PIP4K2A: variants seen among roughly 807,000 people sequenced by gnomAD.
The protein encoded by PIP4K2A is phosphatidylinositol-5-phosphate 4-kinase type 2 alpha, also known as phosphatidylinositol 5-phosphate 4-kinase type-2 alpha.
A neutral mutation model predicts 42.9 loss-of-function variants in PIP4K2A; 14 were observed. The ratio of observed to expected loss-of-function variants is 0.33; its 90% CI spans 0.22 to 0.51. The LOEUF is 0.51. PIP4K2A is among the 20% of genes least tolerant of loss of function. The pLI is 0.97. For missense variants in PIP4K2A, 434 were observed against 519.8 expected (o/e 0.83, Z 1.61); for synonymous variants, 192 against 192.2 (o/e 1.00, Z 0.01).
chr10:22,709,106 CTT>C (rs760885162), intron 1 of PIP4K2A, among the ~76,000 whole-genome samples: 2 of 144,466 alleles, frequency 1.4e-5, no homozygotes, highest in Admixed American at 6.9e-5. Context: ...ATTTAGCAGA[CTT>C]TTTTTTTTTT....
intron 1 of PIP4K2A, among the ~76,000 whole-genome samples, chr10:22,672,519 C>T (rs183999209): frequency 7.2e-4 from 109 of 152,264 alleles, no homozygotes; most frequent in Middle Eastern, 3.4e-3. Flanking sequence ...CACAGGTGTA[C>T]TTGTGAATAT....
chr10:22,575,643 C>T (rs1260561480), intron 4 of PIP4K2A, among the ~76,000 whole-genome samples: 1 of 152,118 alleles, frequency 6.6e-6, no homozygotes, highest in African/African-American at 2.4e-5. Flanking sequence ...AGAGACAGAT[C>T]AAATCTGTCT....
At chr10:22,664,228 T>TACACACAC (rs370820884) in intron 1 of PIP4K2A, among the ~76,000 whole-genome samples, 5 of 89,886 alleles carry the variant, frequency 5.6e-5, no homozygotes, top group East Asian at 2.7e-4. Context: ...CATATATATA[T>TACACACAC]ACACACACAC....
At chr10:22,552,429 C>A (rs1409320661) in intron 6 of PIP4K2A, among the ~76,000 whole-genome samples, 1 of 152,128 alleles carries the variant, frequency 6.6e-6, no homozygotes, top group Non-Finnish European at 1.5e-5. Flanking sequence ...GACTTACCCC[C>A]TAAATCTGTC....
rs960170370 is a variant in PIP4K2A at position 22,579,939 on chromosome 10, A to G, written c.493-6482T>C. Among the ~76,000 whole-genome samples, 13 of 151,920 alleles carry G rather than the reference A, an allele frequency of 8.6e-5. No individual in the cohort carries two copies. The South Asian group carries it at 2.7e-3, about 31-fold the overall frequency. Reference sequence around the variant, plus strand: ...AAAAAAAAGAAAAAAGAAAAAAGAAAAAAAAAGACAACCCATTCTGATGAA... The same window carrying G: ...AAAAAAAAGAAAAAAGAAAAAAGAAGAAAAAAGACAACCCATTCTGATGAA... On this transcript the variant is annotated intron_variant, in intron 4 of 9. Transcript: ENST00000376573.
At chr10:22,640,777 T>G (rs1410884475) in intron 1 of PIP4K2A, among the ~76,000 whole-genome samples, 1 of 152,092 alleles carries the variant, frequency 6.6e-6, no homozygotes, top group Non-Finnish European at 1.5e-5. Context: ...TATTCCCTAA[T>G]GCAAAGTGGA....
At chr10:22,599,415 G>A (rs1347189159) in intron 3 of PIP4K2A, among the ~76,000 whole-genome samples, 1 of 152,114 alleles carries the variant, frequency 6.6e-6, no homozygotes, top group Non-Finnish European at 1.5e-5. Flanking sequence ...ACATTACACA[G>A]GTGTTTGTGA....
chr10:22,553,889 A>G (rs1836471558), intron 6 of PIP4K2A, among the ~76,000 whole-genome samples: 1 of 149,160 alleles, frequency 6.7e-6, no homozygotes, highest in African/African-American at 2.5e-5. Context: ...CAATCTCAGC[A>G]CTTTGGGACT....
intron 4 of PIP4K2A, among the ~76,000 whole-genome samples, chr10:22,585,422 A>G (rs1306576920): frequency 6.6e-6 from 1 of 152,224 alleles, no homozygotes; most frequent in Non-Finnish European, 1.5e-5. Flanking sequence ...TATCAATTTT[A>G]CCCATTTATC....
intron 1 of PIP4K2A, among the ~76,000 whole-genome samples, chr10:22,691,116 G>A (rs191864039): frequency 6.6e-6 from 1 of 152,188 alleles, no homozygotes; most frequent in Admixed American, 6.6e-5. Context: ...TTCAGACGGT[G>A]TGTGCCAAAC....
At chr10:22,702,375 C>T (rs1320405617) in intron 1 of PIP4K2A, among the ~76,000 whole-genome samples, 2 of 152,160 alleles carry the variant, frequency 1.3e-5, no homozygotes, top group East Asian at 3.9e-4. Flanking sequence ...ATGTCTGAAG[C>T]CATTAAAAGA....
At chr10:22,585,302 T>C (rs1837368447) in intron 4 of PIP4K2A, among the ~76,000 whole-genome samples, 1 of 152,188 alleles carries the variant, frequency 6.6e-6, no homozygotes, top group Non-Finnish European at 1.5e-5. Context: ...AGGTGCTGAT[T>C]AGCTTATTTA....
At chr10:22,687,879 C>A (rs985670264) in intron 1 of PIP4K2A, among the ~76,000 whole-genome samples, 1 of 152,092 alleles carries the variant, frequency 6.6e-6, no homozygotes, top group Admixed American at 6.5e-5. Flanking sequence ...TCTGCAAATG[C>A]GGAACATGCA....
At chr10:22,665,280 G>T (rs1383465551) in intron 1 of PIP4K2A, among the ~76,000 whole-genome samples, 1 of 152,204 alleles carries the variant, frequency 6.6e-6, no homozygotes. Context: ...TTAAAAATAT[G>T]AAATCCTATT....
At chr10:22,647,835 T>C (rs1318955587) in intron 1 of PIP4K2A, among the ~76,000 whole-genome samples, 2 of 152,166 alleles carry the variant, frequency 1.3e-5, no homozygotes, top group Non-Finnish European at 2.9e-5. Flanking sequence ...CTTTGGGATT[T>C]TACACGGCAG....
At position 22,550,743 on chromosome 10, in the gene PIP4K2A, A is replaced by G; in HGVS notation, c.708T>C (p.Asn236=). ...KAKELPTLKD[N]DFINEGQKIY... ...TCTTTTGGCCCTCATTAATGAAATC[A>G]TTATCTTTCAGAGTTGGCAGTTCTT... The change falls in exon 7 of 10, where the codon AAT becomes AAC. Residue 236 remains asparagine, a synonymous_variant. Coordinates refer to ENST00000376573, the MANE Select transcript of PIP4K2A (RefSeq NM_005028.5). 1 of 1,605,224 alleles carries G rather than the reference A, an allele frequency of 6.2e-7. No individual in the cohort carries two copies. Among genetic ancestry groups the G allele is most frequent in the Non-Finnish European group, 8.5e-7 (1 of 1,171,822 alleles).
At chr10:22,685,672 G>GATCCC (rs1184937926) in intron 1 of PIP4K2A, among the ~76,000 whole-genome samples, 5 of 152,304 alleles carry the variant, frequency 3.3e-5, no homozygotes, top group Non-Finnish European at 7.4e-5. Context: ...GGTAAGCTAT[G>GATCCC]ATCCCACCAC....
intron 1 of PIP4K2A, among the ~76,000 whole-genome samples, chr10:22,690,795 C>T (rs1203811185): frequency 6.6e-6 from 1 of 152,202 alleles, no homozygotes; most frequent in Non-Finnish European, 1.5e-5. Context: ...AATAGTCTGG[C>T]CCCAAGGCTA....
chr10:22,634,234 T>A (rs1454856092), intron 1 of PIP4K2A, among the ~76,000 whole-genome samples: 2 of 152,196 alleles, frequency 1.3e-5, no homozygotes, highest in African/African-American at 4.8e-5. Context: ...AGAACAGAAG[T>A]GGCCTTGCCT....
Sources: gnomAD v4.1 joint callset for allele counts (sites outside exome capture counted in the v4.1 genomes callset) on GRCh38, gnomAD v4.1.1 for gene constraint, MANE v1.5 for transcripts, NCBI Gene and HGNC (gene_info 2026-07-23, HGNC 2026-07-21) for gene names.